Variants in EIF4G1 observed in about 807,000 individuals in gnomAD.
EIF4G1 encodes the protein eukaryotic translation initiation factor 4 gamma 1, also known as EIF4-gamma.
In EIF4G1, 4 loss-of-function variants were observed where a neutral mutation model predicts 187.8. That is an observed-to-expected ratio of 0.02 (90% CI 0.01 to 0.05). The LOEUF (loss-of-function observed/expected upper bound fraction) is 0.05. Ranked by LOEUF, EIF4G1 falls within the 10% of genes least tolerant of loss-of-function variation. The pLI, the probability that EIF4G1 is intolerant of heterozygous loss-of-function variation, is 1.00. For missense variants in EIF4G1, 1,647 were observed against 2,081.1 expected, an observed-to-expected ratio of 0.79 and a Z score of 4.06; for synonymous variants, 844 against 781.4, an observed-to-expected ratio of 1.08 and a Z score of -1.34.
At chr3:184,327,087 G>A in intron 23 of EIF4G1, 104 bp downstream of exon 23, 1 of 1,575,688 alleles carries the variant, frequency 6.3e-7, no homozygotes, top group Non-Finnish European at 8.7e-7. Flanking sequence ...CCTGGTTGGA[G>A]CCCTTGGGTT....
At chr3:184,320,506 C>T (rs1723705332) in intron 7 of EIF4G1, 124 bp from the exon 8 acceptor site, 3 of 1,567,588 alleles carry the variant, frequency 1.9e-6, no homozygotes, top group South Asian at 1.2e-5. Context: ...CAAGGGGTTT[C>T]TGGCACCTAC....
In EIF4G1 at chr3:184,335,327, G is replaced by C. The variant is rs1025400203; in HGVS notation, c.*419G>C. On this transcript the variant is annotated 3_prime_UTR_variant, in exon 33 of 33. Coordinates refer to ENST00000346169, the MANE Select transcript of EIF4G1 (RefSeq NM_198241.3). ...AGGGGGAAGGGGGGGCACGGTGCCT[G>C]TAATTATTAAACATGAATTCAATTA... 8.8e-6 allele frequency: 2 copies of C among 228,204 alleles called. No homozygotes were observed. Among genetic ancestry groups the C allele is most frequent in the African/African-American group, 4.5e-5 (2 of 44,056 alleles). The allele number at this position is 228,204 out of a possible 1,614,324, so 14.1% of individuals were successfully genotyped here.
At chr3:184,330,505 AG>A in intron 28 of EIF4G1, among the ~76,000 whole-genome samples, 1 of 152,346 alleles carries the variant, frequency 6.6e-6, no homozygotes, top group Non-Finnish European at 1.5e-5. Flanking sequence ...TCTGTTATAA[AG>A]AAAAGAGTGA....
rs1724793314 is a variant in EIF4G1 at position 184,325,902 on chromosome 3, G to A, written c.3173G>A (p.Ser1058Asn). Reference sequence around the variant, plus strand: ...GGTGGCTGGAACACAGTTCCCATCAGCAAAGGTAGCCGCCCCATTGACACC... The same window carrying A: ...GGTGGCTGGAACACAGTTCCCATCAACAAAGGTAGCCGCCCCATTGACACC... Reference protein sequence around the residue: ...DDGGWNTVPISKGSRPIDTSR... With the variant: ...DDGGWNTVPINKGSRPIDTSR... Residue 1058 changes from serine to asparagine, a missense_variant, in exon 21 of 33, where the codon AGC (serine) becomes AAC (asparagine). Coordinates refer to ENST00000346169, the MANE Select transcript of EIF4G1 (RefSeq NM_198241.3). This position sits in a 1 kb window ranked among gnomAD's most constrained non-coding sequence, Gnocchi z 5.2. 1 of 1,614,044 alleles carries A rather than the reference G, an allele frequency of 6.2e-7. No homozygotes were observed. Among genetic ancestry groups the A allele is most frequent in the African/African-American group, 1.3e-5 (1 of 74,928 alleles).
chr3:184,322,376 C>T lies in EIF4G1; in HGVS notation c.1534C>T (p.Pro512Ser). ...AAATQVAVSV[P>S]KRRRKIKELN... ...TTTTTAATTAGTGGCAGTATCTGTG[C>T]CAAAGAGGAGACGGAAAATTAAGGA... Residue 512 changes from proline to serine, a missense_variant, in exon 11 of 33, where the codon CCA becomes TCA. Around this residue, in one of 11 missense-constraint regions of EIF4G1, gnomAD observed 522 missense variants for 485.2 expected, o/e 1.08. Coordinates refer to ENST00000346169, the MANE Select transcript of EIF4G1 (RefSeq NM_198241.3). The T allele has an allele frequency of 1.9e-6, 3 of 1,613,856 alleles. No homozygotes were observed. The highest frequency in any genetic ancestry group is 2.2e-5 in the East Asian group (1 of 44,898).
At position 184,331,263 on chromosome 3, in the gene EIF4G1, C is replaced by T. The variant is rs1300910924; in HGVS notation, c.4162-3C>T. The T allele has an allele frequency of 6.2e-7, 1 of 1,614,136 alleles. No individual in the cohort carries two copies. The highest frequency in any genetic ancestry group is 8.5e-7 in the Non-Finnish European group (1 of 1,180,028). On this transcript the variant is annotated splice_region_variant and splice_polypyrimidine_tract_variant and intron_variant, in intron 28 of 32. Transcript: ENST00000346169. ...TAAGCTGGGTTGGTCTTGTGTTTTC[C>T]AGGGTCCTAAAAAGGTGGGGACGCT...
At chr3:184,315,270 T>G in intron 1 of EIF4G1, 1 of 453,062 alleles carries the variant, frequency 2.2e-6, no homozygotes, top group Non-Finnish European at 4.4e-6. Context: ...AGGCCTAGCT[T>G]CTGGCCCAGT....
intron 10 of EIF4G1, 89 bp from the exon 11 acceptor site, chr3:184,322,270 GTTC>G (rs1397136067): frequency 1.3e-6 from 2 of 1,526,970 alleles, no homozygotes; most frequent in Non-Finnish European, 1.8e-6. Context: ...GGGAAATACT[GTTC>G]TTTGGCTGCT....
At chr3:184,333,586 T>C (rs1350978269) in intron 32 of EIF4G1, among the ~76,000 whole-genome samples, 7 of 151,782 alleles carry the variant, frequency 4.6e-5, no homozygotes, top group African/African-American at 1.7e-4. Flanking sequence ...TTTGTAGGAG[T>C]GGGCCTGAAA....
Position 184,320,626 on chromosome 3 carries a change from C to T in EIF4G1, c.538-4C>T. ...CCACTCATCTTATAGCTTTCTTTCC[C>T]CAGATCCGAATTCGAGATCCAAACC... On this transcript the variant is annotated splice_polypyrimidine_tract_variant and splice_region_variant and intron_variant, in intron 7 of 32. Coordinates refer to ENST00000346169, the MANE Select transcript of EIF4G1 (RefSeq NM_198241.3). 1 of 1,614,040 alleles carries T rather than the reference C, an allele frequency of 6.2e-7. No homozygotes were observed. Among genetic ancestry groups the T allele is most frequent in the Non-Finnish European group, 8.5e-7 (1 of 1,179,986 alleles).
Position 184,323,464 on chromosome 3 carries a change from C to A in EIF4G1, c.2145C>A (p.Ile715=). 6.2e-7 allele frequency: 1 copy of A among 1,614,220 alleles called. No individual in the cohort carries two copies. The change falls in exon 15 of 33, where the codon ATC becomes ATA. Residue 715 remains isoleucine (I), a synonymous_variant. Transcript: ENST00000346169. This position sits in a 1 kb window ranked among gnomAD's most constrained non-coding sequence, Gnocchi z 6.9. ...QQGPRKEPRK[I]IATVLMTEDI... ...GACCCCGAAAAGAACCACGCAAGAT[C>A]ATTGCCACAGTGTTAATGACCGAAG...
At chr3:184,326,137 AACACACACACAC>A (rs34901174) in intron 21 of EIF4G1, among the ~76,000 whole-genome samples, 186 bp downstream of exon 21, 15 of 147,054 alleles carry the variant, frequency 1.0e-4, no homozygotes, top group Admixed American at 4.8e-4. Context: ...GTGTTTGGCA[AACACACACACAC>A]ACACACACAC....
Position 184,331,459 on chromosome 3 carries a change from T to A in EIF4G1, c.4261-13T>A, listed in dbSNP as rs1326129333. On this transcript the variant is annotated splice_polypyrimidine_tract_variant and intron_variant, in intron 29 of 32. Coordinates refer to ENST00000346169, the MANE Select transcript of EIF4G1 (RefSeq NM_198241.3). ...CAACCTTACCTCTTAACTGCGGGCCTTTTCCATTGCAGAAGGTGGAGTATA... is the reference window on the plus strand; with the variant it reads ...CAACCTTACCTCTTAACTGCGGGCCATTTCCATTGCAGAAGGTGGAGTATA... 1.2e-6 allele frequency: 2 copies of A among 1,614,012 alleles called. No individual in the cohort carries two copies. Among genetic ancestry groups the A allele is most frequent in the Non-Finnish European group, 1.7e-6 (2 of 1,180,032 alleles).
intron 1 of EIF4G1, chr3:184,315,266 A>G (rs772392492): frequency 2.9e-5 from 13 of 447,928 alleles, no homozygotes; most frequent in Non-Finnish European, 5.0e-5. Flanking sequence ...CGGCAGGCCT[A>G]GCTTCTGGCC....
rs775282496 is a variant in EIF4G1 at position 184,327,314 on chromosome 3, G to A, written c.3527G>A (p.Arg1176His). 1.4e-5 allele frequency: 22 copies of A among 1,613,656 alleles called. No individual in the cohort carries two copies. The Middle Eastern group carries it at 5.0e-4, about 37-fold the overall frequency. The change falls in exon 24 of 33, where the codon CGT becomes CAT. Residue 1176 changes from arginine (R) to histidine (H), a missense_variant. Arg to His is a conservative substitution (Grantham distance 29). This residue lies in a region of EIF4G1 where 543 missense variants were observed against 638.0 expected (regional missense o/e 0.85). Coordinates refer to ENST00000346169, the MANE Select transcript of EIF4G1 (RefSeq NM_198241.3). Reference sequence around the variant, plus strand: ...GGGGACCGTGGGGACCGGCTTGATCGTGCGCGGACACCTGCTACCAAGCGG... The same window carrying A: ...GGGGACCGTGGGGACCGGCTTGATCATGCGCGGACACCTGCTACCAAGCGG... ...RGGDRGDRLDRARTPATKRSF... is the reference protein window; with the variant it reads ...RGGDRGDRLDHARTPATKRSF...
intron 3 of EIF4G1, 27 bp downstream of exon 3, chr3:184,315,883 G>A: frequency 6.5e-7 from 1 of 1,540,964 alleles, no homozygotes; most frequent in South Asian, 1.2e-5. Flanking sequence ...TAGCAGGGGT[G>A]GGGGTGGGGG....
rs73887458 is a variant in EIF4G1, at chr3:184,328,621, C to T, written c.3954-10C>T. 1,328 of 1,614,110 alleles carry T rather than the reference C, an allele frequency of 8.2e-4. 8 individuals carry two copies. In the African/African-American group the frequency reaches 0.016, roughly 20 times the overall value. On this transcript the variant is annotated splice_polypyrimidine_tract_variant and intron_variant, in intron 26 of 32. Coordinates refer to ENST00000346169, the MANE Select transcript of EIF4G1 (RefSeq NM_198241.3). ...GCCTAGAATGTCTTGACTTTGAATT[C>T]CCTTGGCAGGTTGTATGAAATCTTG... is the stretch of plus-strand genomic sequence containing the variant.
rs199692911 is a variant in EIF4G1, at chr3:184,320,946, C to T, written c.650C>T (p.Pro217Leu). Residue 217 changes from proline (P) to leucine (L), a missense_variant, in exon 9 of 33, where the codon CCT becomes CTT. Coordinates refer to ENST00000346169, the MANE Select transcript of EIF4G1 (RefSeq NM_198241.3). ...CTGCAGACGGGAGGCGGTCTGGAGC[C>T]TCAAGCTAATGGGGAGACGCCCCAG... The part of the protein sequence containing the change: ...TPPQTGGGLE[P>L]QANGETPQVA... The T allele has an allele frequency of 7.1e-5, 114 of 1,614,054 alleles. 1 individual carries two copies. The highest frequency in any genetic ancestry group is 9.3e-5 in the Non-Finnish European group (110 of 1,180,040).
chr3:184,332,992 T>C lies in EIF4G1; in HGVS notation c.4618+906T>C, dbSNP rs188720605. Among the ~76,000 whole-genome samples the C allele has an allele frequency of 2.1e-3, 313 of 152,310 alleles. 2 individuals carry two copies. The highest frequency in any genetic ancestry group is 3.5e-3 in the Admixed American group (54 of 15,296). On this transcript the variant is annotated intron_variant, in intron 32 of 32. Coordinates refer to ENST00000346169, the MANE Select transcript of EIF4G1 (RefSeq NM_198241.3). ...TTTGATTTTAGTTTTTAGATCATCT[T>C]GGCAATAGAGGGAAGAGTGGTTTGG...
Sources: gnomAD v4.1 joint callset for allele counts (sites outside exome capture counted in the v4.1 genomes callset) on GRCh38, gnomAD v4.1.1 for gene constraint, gnomAD v4.1.1 regional missense constraint, Gnocchi (gnomAD v3.1) non-coding constraint, MANE v1.5 for transcripts, NCBI Gene and HGNC (gene_info 2026-07-23, HGNC 2026-07-21) for gene names.